TMPO: variants seen among roughly 807,000 people sequenced by gnomAD.
TMPO encodes the protein LEM domain containing 4.
Under a neutral mutation model 45.4 loss-of-function variants are expected in TMPO, and 22 were observed. The ratio of observed to expected loss-of-function variants is 0.48; its 90% CI spans 0.35 to 0.69. The LOEUF is 0.69. Ranked by LOEUF, TMPO falls within the 30% of genes least tolerant of loss-of-function variation. The pLI, the probability that TMPO is intolerant of heterozygous loss-of-function variation, is 0.01. For synonymous variants in TMPO, 241 were observed against 204.1 expected (o/e 1.18, Z -1.54); for missense variants, 512 against 548.8 (o/e 0.93, Z 0.67).
At position 98,548,639 on chromosome 12, in the gene TMPO, T is replaced by G. The variant is rs1484612426; in HGVS notation, c.*781T>G. The G allele has an allele frequency of 2.0e-5, 3 of 152,266 alleles. No homozygotes were observed. Among genetic ancestry groups the G allele is most frequent in the African/African-American group, 7.2e-5 (3 of 41,468 alleles). The allele number at this position is 152,266 out of a possible 1,614,324, so 9.4% of individuals were successfully genotyped here. A position where few individuals can be genotyped will look rare whatever the true frequency, so the allele number is the denominator to read the frequency against. On this transcript the variant is annotated 3_prime_UTR_variant, in exon 9 of 9. Transcript: ENST00000556029. ...TGTATTTTTTATTTACAGCAAAACATTTATTCAGTCATCCAGTTTGCTACC... is the reference window on the plus strand; with the variant it reads ...TGTATTTTTTATTTACAGCAAAACAGTTATTCAGTCATCCAGTTTGCTACC...
At chr12:98,542,833 G>A (rs986974358) in intron 4 of TMPO, among the ~76,000 whole-genome samples, 7 of 152,004 alleles carry the variant, frequency 4.6e-5, no homozygotes, top group South Asian at 4.2e-4. Context: ...ACTCCAGCCT[G>A]GGCAACAGAG....
At chr12:98,540,380 T>C (rs1877841556) in intron 4 of TMPO, among the ~76,000 whole-genome samples, 1 of 151,966 alleles carries the variant, frequency 6.6e-6, no homozygotes, top group Non-Finnish European at 1.5e-5. Context: ...GTTGTTGTTG[T>C]TTTTGTTTTT....
At chr12:98,516,856 C>T (rs1005285964) in intron 1 of TMPO, among the ~76,000 whole-genome samples, 10 of 152,216 alleles carry the variant, frequency 6.6e-5, no homozygotes, top group African/African-American at 2.2e-4. Flanking sequence ...GTTGCCCAGG[C>T]TGGAGTGCAA....
rs760685984 is a variant in TMPO at position 98,533,212 on chromosome 12, A to C, written c.565+1374A>C. The C allele has an allele frequency of 6.2e-7, 1 of 1,614,060 alleles. No homozygotes were observed. Among genetic ancestry groups the C allele is most frequent in the Admixed American group, 1.7e-5 (1 of 60,024 alleles). ...TCCTTCACTGATTAAAGAAACCACC[A>C]CTGGTTACTATAAAGACATAGTAGA... On this transcript the variant is annotated intron_variant, in intron 3 of 8. Coordinates refer to ENST00000556029, the MANE Select transcript of TMPO (RefSeq NM_001032283.3).
intron 4 of TMPO, among the ~76,000 whole-genome samples, chr12:98,539,428 C>T (rs1402809657): frequency 1.3e-5 from 2 of 150,586 alleles, no homozygotes; most frequent in African/African-American, 4.9e-5. Flanking sequence ...AGTGTTTTAC[C>T]AGTTTGGTTT....
At chr12:98,531,959 A>G (rs1279454145) in intron 3 of TMPO, 121 bp downstream of exon 3, 4 of 748,818 alleles carry the variant, frequency 5.3e-6, no homozygotes, top group Non-Finnish European at 6.5e-6. Flanking sequence ...TATTCGTGTC[A>G]TTAGAGTAAT....
intron 1 of TMPO, among the ~76,000 whole-genome samples, chr12:98,526,381 C>T (rs547530599): frequency 1.3e-5 from 2 of 152,256 alleles, no homozygotes; most frequent in South Asian, 4.1e-4. Flanking sequence ...TTTAGTAAGT[C>T]CCTTAATATA....
intron 1 of TMPO, among the ~76,000 whole-genome samples, chr12:98,520,071 T>G (rs1037536247): frequency 1.3e-4 from 20 of 151,934 alleles, no homozygotes; most frequent in African/African-American, 4.8e-4. Context: ...GCGATTCTCC[T>G]GCCTCAGCCT....
At chr12:98,534,647 C>T (rs1877460449) in intron 3 of TMPO, 1 of 1,183,756 alleles carries the variant, frequency 8.4e-7, no homozygotes, top group African/African-American at 1.6e-5. Context: ...TAAGAAAATT[C>T]TAATTAGGAT....
chr12:98,535,563 A>G (rs922416794), intron 3 of TMPO: 14 of 985,182 alleles, frequency 1.4e-5, no homozygotes, highest in East Asian at 1.1e-4. Context: ...ACTGAGTGCT[A>G]TGTGATTTTT....
chr12:98,520,200 TC>T (rs1294065396), intron 1 of TMPO, among the ~76,000 whole-genome samples: 1 of 151,964 alleles, frequency 6.6e-6, no homozygotes, highest in Non-Finnish European at 1.5e-5. Flanking sequence ...CCTCAGTTGA[TC>T]CACCCGCCTG....
chr12:98,540,364 T>TTTG (rs534920116), intron 4 of TMPO, among the ~76,000 whole-genome samples: 10 of 152,278 alleles, frequency 6.6e-5, no homozygotes, highest in East Asian at 1.9e-4. Context: ...TCTGTTTTGC[T>TTTG]TTGTTGTTGT....
intron 3 of TMPO, chr12:98,534,827 A>C: frequency 1.0e-6 from 1 of 1,002,940 alleles, no homozygotes; most frequent in Non-Finnish European, 1.2e-6. Context: ...ATATTTTCTT[A>C]CTTTTCTTTG....
chr12:98,532,597 T>A (rs1386592546), intron 3 of TMPO, among the ~76,000 whole-genome samples: 1 of 152,236 alleles, frequency 6.6e-6, no homozygotes, highest in East Asian at 1.9e-4. Context: ...AAATACAACT[T>A]GATTTTTGTA....
rs1229921039 is a variant in TMPO, at chr12:98,547,719, G to A, written c.1226G>A (p.Arg409His). The change falls in exon 9 of 9, where the codon CGC becomes CAC. Residue 409 changes from arginine (R) to histidine (H), a missense_variant. Transcript: ENST00000556029. ...DVKSEKTKKG[R>H]SIPVWIKILL... The stretch of plus-strand genomic sequence containing the variant: ...AAGTCAGAAAAGACAAAAAAGGGAC[G>A]CTCCATTCCCGTATGGATAAAAATT... 3.7e-6 allele frequency: 6 copies of A among 1,613,962 alleles called. No homozygotes were observed. The highest frequency in any genetic ancestry group is 5.1e-6 in the Non-Finnish European group (6 of 1,180,012).
chr12:98,522,840 T>A (rs1565805645), intron 1 of TMPO, among the ~76,000 whole-genome samples: 1 of 152,174 alleles, frequency 6.6e-6, no homozygotes, highest in East Asian at 1.9e-4. Flanking sequence ...TTCCATAGAT[T>A]TTTAGGACTC....
chr12:98,529,537 A>G lies in TMPO; in HGVS notation c.406+1525A>G, dbSNP rs533785339. On this transcript the variant is annotated intron_variant, in intron 2 of 8. Transcript: ENST00000556029. ...GCCTTAGTTTTGGAGGGTCTTAGCA[A>G]TAACCTCAAGATGAGAAAATTCCAT... 5.3e-5 allele frequency among the ~76,000 whole-genome samples: 8 copies of G among 152,238 alleles called. No individual in the cohort carries two copies. In the South Asian group the frequency reaches 6.2e-4, roughly 12 times the overall value.
chr12:98,524,569 C>T (rs911356735), intron 1 of TMPO, among the ~76,000 whole-genome samples: 1 of 148,450 alleles, frequency 6.7e-6, no homozygotes, highest in Non-Finnish European at 1.5e-5. Flanking sequence ...TTAAGAGACT[C>T]CACCTTGAAA....
intron 3 of TMPO, chr12:98,533,791 C>G: frequency 6.2e-7 from 1 of 1,614,228 alleles, no homozygotes; most frequent in Non-Finnish European, 8.5e-7. Context: ...AGTTGACAGG[C>G]AGCTGCCTTC....
Sources: allele counts gnomAD v4.1 joint callset (sites outside exome capture counted in the v4.1 genomes callset), GRCh38; gene constraint gnomAD v4.1.1; transcripts MANE v1.5; gene names NCBI Gene and HGNC (gene_info 2026-07-23, HGNC 2026-07-21).